The following RGS6 variants were observed in gnomAD, a reference collection of about 807,000 sequenced individuals.
RGS6 encodes regulator of G protein signaling 6.
A neutral mutation model predicts 78.5 loss-of-function variants in RGS6; 30 were observed. That is an observed-to-expected ratio of 0.38 (90% CI 0.29 to 0.52). The LOEUF (loss-of-function observed/expected upper bound fraction) is 0.52. RGS6 is among the 20% of genes least tolerant of loss of function. The pLI, the probability that RGS6 is intolerant of heterozygous loss-of-function variation, is 0.85. For synonymous variants in RGS6, 206 were observed against 206.0 expected, an observed-to-expected ratio of 1.00 and a Z score of 0.00; for missense variants, 495 against 609.7, an observed-to-expected ratio of 0.81 and a Z score of 1.98.
At chr14:72,540,520 C>G in intron 17 of RGS6, 1 of 1,566,790 alleles carries the variant, frequency 6.4e-7, no homozygotes, top group Admixed American at 1.9e-5. Context: ...AAATTTCCCT[C>G]TGTGAACCCT....
At chr14:72,350,958 G>A (rs1216377169) in intron 2 of RGS6, among the ~76,000 whole-genome samples, 1 of 152,026 alleles carries the variant, frequency 6.6e-6, no homozygotes, top group Non-Finnish European at 1.5e-5. Context: ...ATGTTATGCC[G>A]TGCTCTAACT....
chr14:72,194,663 G>A (rs2039580643), intron 2 of RGS6, among the ~76,000 whole-genome samples: 1 of 151,866 alleles, frequency 6.6e-6, no homozygotes, highest in African/African-American at 2.4e-5. Context: ...TGCCCGGCCT[G>A]GTTTACATTT....
intron 2 of RGS6, among the ~76,000 whole-genome samples, chr14:72,254,501 C>T (rs2056624159): frequency 6.6e-6 from 1 of 152,080 alleles, no homozygotes; most frequent in South Asian, 2.1e-4. Flanking sequence ...TCCACAGTCC[C>T]TGTTCTTCTC....
At chr14:72,619,615 C>T in the RGS6 span, among the ~76,000 whole-genome samples, 11 of 152,178 alleles carry the variant, frequency 7.2e-5, no homozygotes, top group Admixed American at 4.6e-4. Context: ...GCCGGGCCTG[C>T]GCCAGTTCTC....
chr14:72,471,372 C>T (rs574569226), intron 8 of RGS6, among the ~76,000 whole-genome samples: 69 of 152,310 alleles, frequency 4.5e-4, no homozygotes, highest in African/African-American at 1.6e-3. Context: ...TCCCCTGTCC[C>T]TCCCAGGGAT....
rs115927145 is a variant in RGS6, at chr14:72,063,242, C to T, written c.84+98367C>T. On this transcript the variant is annotated intron_variant, in intron 2 of 17. Coordinates refer to ENST00000553525, the MANE Select transcript of RGS6 (RefSeq NM_001204424.2). ...CTGAAGAGGAACCAGTAAAGGGGAC[C>T]GAAAAGGAGCAGCCATTGAGGAGAG... Among the ~76,000 whole-genome samples the T allele has an allele frequency of 4.9e-3, 747 of 152,004 alleles. 12 individuals are homozygous for T. The highest frequency in any genetic ancestry group is 0.017 in the African/African-American group (718 of 41,420).
intron 2 of RGS6, among the ~76,000 whole-genome samples, chr14:71,990,056 G>T (rs1250473527): frequency 6.6e-6 from 1 of 152,146 alleles, no homozygotes; most frequent in Admixed American, 6.5e-5. Context: ...GTCAGAGAAG[G>T]TCAAAGGAGA....
At chr14:71,944,806 T>C (rs954828747) in intron 1 of RGS6, among the ~76,000 whole-genome samples, 4 of 152,142 alleles carry the variant, frequency 2.6e-5, no homozygotes, top group Admixed American at 1.3e-4. Flanking sequence ...GGTGATTTTG[T>C]TGTTGTGTGA....
chr14:72,622,030 C>T, the RGS6 span, among the ~76,000 whole-genome samples: 1 of 152,128 alleles, frequency 6.6e-6, no homozygotes, highest in African/African-American at 2.4e-5. Flanking sequence ...AATTAGATGG[C>T]AAGTGAAGGT....
At chr14:72,103,763 G>A (rs998251165) in intron 2 of RGS6, among the ~76,000 whole-genome samples, 3 of 152,166 alleles carry the variant, frequency 2.0e-5, no homozygotes, top group Non-Finnish European at 4.4e-5. Context: ...GCCACTTGCC[G>A]CCTAGACTCA....
chr14:72,461,953 G>C (rs756082618), intron 6 of RGS6, among the ~76,000 whole-genome samples: 2 of 152,172 alleles, frequency 1.3e-5, no homozygotes, highest in Non-Finnish European at 2.9e-5. Context: ...TTAATACGGA[G>C]TGGTGGTTGG....
chr14:71,926,757 G>A, the RGS6 span, among the ~76,000 whole-genome samples: 1 of 152,054 alleles, frequency 6.6e-6, no homozygotes, highest in Non-Finnish European at 1.5e-5. Context: ...GTTTTACAGG[G>A]TGTTATGCAT....
At chr14:72,498,583 T>C (rs1306324588) in intron 13 of RGS6, among the ~76,000 whole-genome samples, 2 of 152,184 alleles carry the variant, frequency 1.3e-5, no homozygotes, top group Non-Finnish European at 2.9e-5. Flanking sequence ...TCTCCCTTTT[T>C]AAATCAGGGA....
At chr14:72,558,566 C>T (rs2153548003) in intron 17 of RGS6, among the ~76,000 whole-genome samples, 1 of 152,334 alleles carries the variant, frequency 6.6e-6, no homozygotes, top group East Asian at 1.9e-4. Flanking sequence ...CAAAAGGGGG[C>T]TATTCCTTTT....
At chr14:72,346,283 A>G (rs1385771207) in intron 2 of RGS6, among the ~76,000 whole-genome samples, 1 of 152,198 alleles carries the variant, frequency 6.6e-6, no homozygotes, top group Non-Finnish European at 1.5e-5. Context: ...AGCTCATTGG[A>G]TCATGAATTT....
chr14:72,196,905 T>A (rs1268754486), intron 2 of RGS6, among the ~76,000 whole-genome samples: 1 of 152,218 alleles, frequency 6.6e-6, no homozygotes, highest in Non-Finnish European at 1.5e-5. Context: ...GGCAAATGTT[T>A]TTGAGATCTG....
chr14:72,033,433 C>A (rs576408473), intron 2 of RGS6, among the ~76,000 whole-genome samples: 30 of 151,988 alleles, frequency 2.0e-4, no homozygotes, highest in African/African-American at 6.8e-4. Context: ...TGGGGTCTCA[C>A]TATGTTGCCC....
intron 2 of RGS6, among the ~76,000 whole-genome samples, chr14:72,300,705 G>C (rs2065873759): frequency 6.6e-6 from 1 of 152,186 alleles, no homozygotes; most frequent in African/African-American, 2.4e-5. Context: ...ACTGAGTCTG[G>C]CGTCTCCTTG....
chr14:72,265,826 T>C (rs1076316), intron 2 of RGS6, among the ~76,000 whole-genome samples: 206 of 152,122 alleles, frequency 1.4e-3, no homozygotes, highest in African/African-American at 4.7e-3. Context: ...GTGCAAAGCC[T>C]CCCTTTTCTG....
Sources: gnomAD v4.1 joint callset for allele counts (sites outside exome capture counted in the v4.1 genomes callset) on GRCh38, gnomAD v4.1.1 for gene constraint, MANE v1.5 for transcripts, NCBI Gene and HGNC (gene_info 2026-07-23, HGNC 2026-07-21) for gene names.